Variants in COL19A1 observed in about 807,000 individuals in gnomAD.
COL19A1 encodes the protein collagen alpha-1(XIX) chain.
In COL19A1, 159 loss-of-function variants were observed where a neutral mutation model predicts 190.2. The ratio of observed to expected loss-of-function variants is 0.84; its 90% CI spans 0.73 to 0.95. COL19A1 has a LOEUF of 0.95. COL19A1 is among the 40% of genes least tolerant of loss of function. The pLI, the probability that COL19A1 is intolerant of heterozygous loss-of-function variation, is 0.00. For synonymous variants in COL19A1, 509 were observed against 458.9 expected, an observed-to-expected ratio of 1.11 and a Z score of -1.39; for missense variants, 1,418 against 1,431.9, an observed-to-expected ratio of 0.99 and a Z score of 0.16.
intron 14 of COL19A1, among the ~76,000 whole-genome samples, chr6:70,039,083 C>G (rs1779503146): frequency 6.6e-6 from 1 of 152,014 alleles, no homozygotes; most frequent in South Asian, 2.1e-4. Flanking sequence ...TAATGGTTCT[C>G]TATCTTGACT....
chr6:70,008,860 T>A (rs1393384692), intron 11 of COL19A1, among the ~76,000 whole-genome samples: 3 of 151,294 alleles, frequency 2.0e-5, no homozygotes, highest in African/African-American at 7.3e-5. Flanking sequence ...CTTGAAAGAG[T>A]GGTTTAACAT....
chr6:69,949,461 A>T (rs1774001769), intron 9 of COL19A1, among the ~76,000 whole-genome samples: 1 of 151,930 alleles, frequency 6.6e-6, no homozygotes, highest in Non-Finnish European at 1.5e-5. Context: ...AAGAATGTAT[A>T]CAAAATGAAA....
At chr6:70,132,092 A>G (rs1471356890) in intron 18 of COL19A1, among the ~76,000 whole-genome samples, 1 of 152,184 alleles carries the variant, frequency 6.6e-6, no homozygotes, top group Admixed American at 6.5e-5. Context: ...GGAAATTGCC[A>G]ATAAACAATG....
intron 27 of COL19A1, among the ~76,000 whole-genome samples, chr6:70,147,927 A>C (rs1449049232): frequency 2.0e-5 from 3 of 152,164 alleles, no homozygotes; most frequent in Non-Finnish European, 4.4e-5. Context: ...ACGCTTTCTT[A>C]CGTTTACTGG....
intron 12 of COL19A1, among the ~76,000 whole-genome samples, chr6:70,028,201 A>G (rs899406117): frequency 2.0e-5 from 3 of 152,180 alleles, no homozygotes; most frequent in African/African-American, 7.2e-5. Context: ...TACGAGACTC[A>G]AAGAAAGGCC....
intron 2 of COL19A1, among the ~76,000 whole-genome samples, chr6:69,889,658 G>A (rs767470003): frequency 1.3e-5 from 2 of 152,132 alleles, no homozygotes; most frequent in Non-Finnish European, 2.9e-5. Flanking sequence ...TCAGCGCTCT[G>A]TGTCTAGCTA....
chr6:70,060,687 T>C (rs1194939701), intron 14 of COL19A1, among the ~76,000 whole-genome samples: 2 of 152,128 alleles, frequency 1.3e-5, no homozygotes, highest in Non-Finnish European at 2.9e-5. Context: ...GACCGTCTAG[T>C]TGCAGGAAAA....
chr6:70,029,959 A>G (rs1778954408), intron 12 of COL19A1, among the ~76,000 whole-genome samples: 1 of 152,108 alleles, frequency 6.6e-6, no homozygotes, highest in Non-Finnish European at 1.5e-5. Context: ...CAAGAAAACT[A>G]TTACTTATTA....
intron 14 of COL19A1, among the ~76,000 whole-genome samples, chr6:70,042,966 A>G (rs1254813848): frequency 6.6e-6 from 1 of 152,118 alleles, no homozygotes; most frequent in East Asian, 1.9e-4. Context: ...TTTCTACCAC[A>G]TCTGCAGTTA....
intron 25 of COL19A1, 101 bp from the exon 26 acceptor site, chr6:70,146,558 C>A: frequency 1.3e-6 from 1 of 791,402 alleles, no homozygotes; most frequent in Non-Finnish European, 1.9e-6. Flanking sequence ...AAGATTTATT[C>A]AAGCAAGATG....
intron 11 of COL19A1, among the ~76,000 whole-genome samples, chr6:70,020,649 A>G (rs763034829): frequency 2.0e-5 from 3 of 152,116 alleles, no homozygotes; most frequent in Non-Finnish European, 2.9e-5. Context: ...TTTGCCCTCT[A>G]GGAACATTTG....
intron 2 of COL19A1, chr6:69,889,978 C>G (rs900973564): frequency 1.3e-5 from 2 of 151,520 alleles, no homozygotes; most frequent in East Asian, 3.9e-4. Flanking sequence ...TAACACTTGC[C>G]GCGAAGGTCC....
At chr6:70,044,384 T>G (rs1779796894) in intron 14 of COL19A1, among the ~76,000 whole-genome samples, 2 of 152,224 alleles carry the variant, frequency 1.3e-5, no homozygotes, top group African/African-American at 2.4e-5. Context: ...AAGTTGGTTG[T>G]TTGTCTGGAG....
At chr6:70,058,141 T>C (rs1290336010) in intron 14 of COL19A1, among the ~76,000 whole-genome samples, 1 of 152,018 alleles carries the variant, frequency 6.6e-6, no homozygotes, top group East Asian at 1.9e-4. Flanking sequence ...GAACAAGTTA[T>C]TTCAGGACCT....
chr6:70,031,111 C>T (rs1331782692), intron 12 of COL19A1, among the ~76,000 whole-genome samples: 3 of 152,152 alleles, frequency 2.0e-5, no homozygotes, highest in African/African-American at 7.2e-5. Flanking sequence ...TGTACCATGA[C>T]CCCTGGCAAA....
At chr6:69,992,083 T>G (rs1263273910) in intron 11 of COL19A1, among the ~76,000 whole-genome samples, 1 of 152,122 alleles carries the variant, frequency 6.6e-6, no homozygotes, top group Non-Finnish European at 1.5e-5. Flanking sequence ...TTATATATGG[T>G]GAAAGGAAAG....
chr6:69,899,488 C>A (rs1770016193), intron 3 of COL19A1, among the ~76,000 whole-genome samples: 1 of 152,002 alleles, frequency 6.6e-6, no homozygotes, highest in African/African-American at 2.4e-5. Context: ...AGAAAAAATT[C>A]CGAAAGCAGG....
chr6:69,938,830 TG>T (rs2150022492), intron 9 of COL19A1, among the ~76,000 whole-genome samples: 1 of 152,282 alleles, frequency 6.6e-6, no homozygotes, highest in Admixed American at 6.5e-5. Flanking sequence ...GTAATGTTTC[TG>T]ACTCTTTTGA....
chr6:69,991,862 A>AT (rs2150074724), intron 11 of COL19A1, among the ~76,000 whole-genome samples: 2 of 151,698 alleles, frequency 1.3e-5, no homozygotes, highest in African/African-American at 4.8e-5. Context: ...TGTGAATAGT[A>AT]TTTTTTGTTT....
Sources: allele counts gnomAD v4.1 joint callset (sites outside exome capture counted in the v4.1 genomes callset), GRCh38; gene constraint gnomAD v4.1.1; transcripts MANE v1.5; gene names NCBI Gene and HGNC (gene_info 2026-07-23, HGNC 2026-07-21).